NLGN1: variants seen among roughly 807,000 people sequenced by gnomAD.
NLGN1 encodes the protein neuroligin 1.
Under a neutral mutation model 65.5 loss-of-function variants are expected in NLGN1, and 12 were observed. That is an observed-to-expected ratio of 0.18 (90% CI 0.12 to 0.30). The LOEUF (loss-of-function observed/expected upper bound fraction) is 0.30, where lower values mean the gene tolerates loss of function less well. NLGN1 is among the 10% of genes least tolerant of loss of function. NLGN1 has a pLI of 1.00. For missense variants in NLGN1, 750 were observed against 1,007.1 expected, an observed-to-expected ratio of 0.74 and a Z score of 3.46; for synonymous variants, 350 against 359.5, an observed-to-expected ratio of 0.97 and a Z score of 0.30.
At chr3:173,845,134 A>T (rs1316556860) in intron 4 of NLGN1, among the ~76,000 whole-genome samples, 1 of 152,216 alleles carries the variant, frequency 6.6e-6, no homozygotes, top group Admixed American at 6.5e-5. Context: ...GTTCTGTGTT[A>T]CCACCATTCC....
At chr3:173,942,502 T>A (rs1294957836) in intron 4 of NLGN1, among the ~76,000 whole-genome samples, 1 of 152,158 alleles carries the variant, frequency 6.6e-6, no homozygotes, top group Non-Finnish European at 1.5e-5. Context: ...CCAGCATGTA[T>A]CCTGAGCTCA....
intron 4 of NLGN1, among the ~76,000 whole-genome samples, chr3:174,059,681 G>A (rs1736968434): frequency 6.6e-6 from 1 of 152,084 alleles, no homozygotes; most frequent in Non-Finnish European, 1.5e-5. Context: ...ACCATTTATG[G>A]AGAATCCATT....
At chr3:173,457,853 T>C (rs1318911882) in intron 2 of NLGN1, among the ~76,000 whole-genome samples, 2 of 152,096 alleles carry the variant, frequency 1.3e-5, no homozygotes, top group Non-Finnish European at 1.5e-5. Context: ...TTGGCATTTA[T>C]GCAAGAGTGA....
At chr3:173,626,814 G>A (rs1013773898) in intron 3 of NLGN1, among the ~76,000 whole-genome samples, 1 of 152,006 alleles carries the variant, frequency 6.6e-6, no homozygotes, top group Admixed American at 6.6e-5. Context: ...ATTTAAAATA[G>A]ATTATTATAA....
chr3:173,470,508 G>A (rs900496365), intron 2 of NLGN1, among the ~76,000 whole-genome samples: 4 of 152,084 alleles, frequency 2.6e-5, no homozygotes, highest in African/African-American at 7.2e-5. Context: ...CTAACAGCAT[G>A]GGTTTGTCTT....
chr3:173,951,415 T>C (rs939258941), intron 4 of NLGN1, among the ~76,000 whole-genome samples: 3 of 152,046 alleles, frequency 2.0e-5, no homozygotes, highest in African/African-American at 7.2e-5. Context: ...TTATATCTTC[T>C]TTTTCCTATT....
In NLGN1 at chr3:173,929,509, T is replaced by C. The variant is rs79035188; in HGVS notation, c.646+121677T>C. Among the ~76,000 whole-genome samples, 871 of 151,350 alleles carry C rather than the reference T, an allele frequency of 5.8e-3. 2 individuals are homozygous for C. Among genetic ancestry groups the C allele is most frequent in the Admixed American group, 0.01 (153 of 15,154 alleles). On this transcript the variant is annotated intron_variant, in intron 4 of 6. Transcript: ENST00000457714. Reference sequence around the variant, plus strand: ...TTGGAGTTACCTTTTGCTGAGTGGATAGGTGTTATGTGACTTTAGATTCTG... The same window carrying C: ...TTGGAGTTACCTTTTGCTGAGTGGACAGGTGTTATGTGACTTTAGATTCTG...
At chr3:174,076,194 A>G (rs1057266690) in intron 4 of NLGN1, among the ~76,000 whole-genome samples, 15 of 152,132 alleles carry the variant, frequency 9.9e-5, no homozygotes, top group Non-Finnish European at 1.5e-5. Flanking sequence ...TTTAGAAGTG[A>G]TACAGGCAAT....
At chr3:174,091,675 G>C (rs1744551688) in intron 4 of NLGN1, among the ~76,000 whole-genome samples, 1 of 152,040 alleles carries the variant, frequency 6.6e-6, no homozygotes, top group Non-Finnish European at 1.5e-5. Context: ...ACAGTGACTG[G>C]TTTTATAAAA....
At chr3:174,081,166 G>T (rs1742108945) in intron 4 of NLGN1, among the ~76,000 whole-genome samples, 1 of 152,116 alleles carries the variant, frequency 6.6e-6, no homozygotes, top group South Asian at 2.1e-4. Context: ...ACTTAGACAA[G>T]AAAAAGTCTG....
At chr3:173,588,474 T>G (rs1453667468) in intron 2 of NLGN1, among the ~76,000 whole-genome samples, 1 of 152,158 alleles carries the variant, frequency 6.6e-6, no homozygotes, top group African/African-American at 2.4e-5. Flanking sequence ...CCACAGCCAT[T>G]TGGTAGCTAA....
chr3:173,519,920 A>G (rs1436049853), intron 2 of NLGN1, among the ~76,000 whole-genome samples: 47 of 152,154 alleles, frequency 3.1e-4, no homozygotes, highest in Admixed American at 3.0e-3. Context: ...ACCAAATCTC[A>G]TGCCAAATTG....
chr3:173,675,887 T>TCTGTCACACA (rs756157881), intron 3 of NLGN1, among the ~76,000 whole-genome samples: 1 of 138,578 alleles, frequency 7.2e-6, no homozygotes. Context: ...TCTCTCTCTC[T>TCTGTCACACA]CACACACACA....
chr3:173,411,433 A>G (rs142020621), intron 1 of NLGN1, among the ~76,000 whole-genome samples: 136 of 152,204 alleles, frequency 8.9e-4, no homozygotes, highest in African/African-American at 3.2e-3. Context: ...GAGACTTTTT[A>G]TGATCCCACT....
Position 173,759,455 on chromosome 3 carries a change from G to A in NLGN1, c.494-48225G>A, listed in dbSNP as rs1274332730. Among the ~76,000 whole-genome samples, 3 of 151,836 alleles carry A rather than the reference G, an allele frequency of 2.0e-5. No individual in the cohort carries two copies. In the East Asian group the frequency reaches 5.8e-4, roughly 29 times the overall value. On this transcript the variant is annotated intron_variant, in intron 3 of 6. Transcript: ENST00000457714. ...ACATAGCAGTGATTTAATCTCTATG[G>A]GAGTGGAGTCACTGCTATGTATGTT...
chr3:173,412,065 C>T (rs1235682940), intron 1 of NLGN1, among the ~76,000 whole-genome samples: 1 of 152,102 alleles, frequency 6.6e-6, no homozygotes, highest in African/African-American at 2.4e-5. Flanking sequence ...ATGGTAATTG[C>T]CTGGCTGCAA....
chr3:174,058,633 T>C (rs542226853), intron 4 of NLGN1, among the ~76,000 whole-genome samples: 90 of 152,246 alleles, frequency 5.9e-4, no homozygotes, highest in African/African-American at 2.1e-3. Flanking sequence ...AAATCAATTT[T>C]TCATATACAT....
At chr3:173,647,669 A>T (rs541205569) in intron 3 of NLGN1, among the ~76,000 whole-genome samples, 1 of 152,234 alleles carries the variant, frequency 6.6e-6, no homozygotes, top group South Asian at 2.1e-4. Flanking sequence ...AACTTCCCCT[A>T]AGCAGACATA....
At chr3:173,539,439 G>T (rs1738059655) in intron 2 of NLGN1, among the ~76,000 whole-genome samples, 1 of 144,250 alleles carries the variant, frequency 6.9e-6, no homozygotes, top group African/African-American at 2.5e-5. Flanking sequence ...ACATATATAT[G>T]TACATGTATA....
Sources: allele counts gnomAD v4.1 joint callset (sites outside exome capture counted in the v4.1 genomes callset), GRCh38; gene constraint gnomAD v4.1.1; transcripts MANE v1.5; gene names NCBI Gene and HGNC (gene_info 2026-07-23, HGNC 2026-07-21).